Variants in DGKB observed in about 807,000 individuals in gnomAD.
DGKB encodes the protein 90 kDa diacylglycerol kinase.
A neutral mutation model predicts 114.3 loss-of-function variants in DGKB; 67 were observed. The ratio of observed to expected loss-of-function variants is 0.59; its 90% CI spans 0.48 to 0.72. The LOEUF (loss-of-function observed/expected upper bound fraction) is 0.72, where lower values mean the gene tolerates loss of function less well. Among genes scored for constraint, DGKB ranks in the 30% least tolerant of loss-of-function variants. The pLI, the probability that DGKB is intolerant of heterozygous loss-of-function variation, is 0.00. For missense variants in DGKB, 907 were observed against 975.2 expected (o/e 0.93, Z 0.93); for synonymous variants, 398 against 323.1 (o/e 1.23, Z -2.49).
rs770935660 is a variant in DGKB, at chr7:14,583,229, C to A, written c.1434-92G>T. The A allele has an allele frequency of 2.0e-5, 14 of 689,096 alleles. No individual in the cohort carries two copies. In the South Asian group the frequency reaches 2.4e-4, roughly 12 times the overall value. The allele number at this position is 689,096 out of a possible 1,614,324, so 42.7% of individuals were successfully genotyped here. A position where few individuals can be genotyped will look rare whatever the true frequency, so the allele number is the denominator to read the frequency against. ...CATTAACATTTTACCCGATGAAATA[C>A]GTTTTTATTTTATAAAAACTGTAAA... On this transcript the variant is annotated intron_variant, in intron 17 of 25. Coordinates refer to ENST00000402815, the MANE Select transcript of DGKB (RefSeq NM_001350709.2).
At chr7:14,563,877 G>A (rs1218609321) in intron 20 of DGKB, among the ~76,000 whole-genome samples, 2 of 152,076 alleles carry the variant, frequency 1.3e-5, no homozygotes, top group Admixed American at 1.3e-4. Context: ...TCAGAGAAAA[G>A]CAAGCTGCTG....
intron 4 of DGKB, among the ~76,000 whole-genome samples, chr7:14,744,410 G>A (rs948675677): frequency 2.6e-5 from 4 of 152,110 alleles, no homozygotes; most frequent in Non-Finnish European, 5.9e-5. Context: ...GGGAAAACTG[G>A]CCTCATACCT....
At chr7:14,550,937 A>C (rs754451434) in intron 20 of DGKB, among the ~76,000 whole-genome samples, 7 of 152,172 alleles carry the variant, frequency 4.6e-5, no homozygotes, top group Non-Finnish European at 1.0e-4. Flanking sequence ...CTAGACAAAA[A>C]ATTCTTCCTT....
intron 1 of DGKB, among the ~76,000 whole-genome samples, chr7:14,900,180 T>C (rs959676929): frequency 1.2e-4 from 18 of 152,174 alleles, no homozygotes; most frequent in African/African-American, 4.1e-4. Context: ...ACCTACTTCA[T>C]AGTAAATACC....
chr7:14,629,766 C>T (rs1327446087), intron 14 of DGKB, among the ~76,000 whole-genome samples: 1 of 152,048 alleles, frequency 6.6e-6, no homozygotes, highest in Non-Finnish European at 1.5e-5. Flanking sequence ...ATGGCATGGG[C>T]TAGGTGATTA....
intron 8 of DGKB, among the ~76,000 whole-genome samples, chr7:14,696,919 G>C (rs2129001738): frequency 6.6e-6 from 1 of 152,258 alleles, no homozygotes; most frequent in African/African-American, 2.4e-5. Flanking sequence ...CCATTATCCT[G>C]TTGTTTACCG....
In DGKB at chr7:14,882,812, T is replaced by G. The variant is rs576921597; in HGVS notation, c.-188+19780A>C. Among the ~76,000 whole-genome samples, 8 of 152,196 alleles carry G rather than the reference T, an allele frequency of 5.3e-5. No individual in the cohort carries two copies. In the South Asian group the frequency reaches 1.5e-3, roughly 28 times the overall value. On this transcript the variant is annotated intron_variant, in intron 1 of 25. Coordinates refer to ENST00000402815, the MANE Select transcript of DGKB (RefSeq NM_001350709.2). Reference sequence around the variant, plus strand: ...TGAATGGTACTACATTGTGTATATATGCCACATTTTCTTTATCTTATCTTA... The same window carrying G: ...TGAATGGTACTACATTGTGTATATAGGCCACATTTTCTTTATCTTATCTTA...
intron 1 of DGKB, among the ~76,000 whole-genome samples, chr7:14,917,711 T>C (rs931597999): frequency 6.6e-6 from 1 of 151,870 alleles, no homozygotes; most frequent in Non-Finnish European, 1.5e-5. Flanking sequence ...ATAATACCAA[T>C]TCTCTAAAAT....
chr7:14,311,838 G>A (rs975035603), intron 23 of DGKB, among the ~76,000 whole-genome samples: 1 of 151,914 alleles, frequency 6.6e-6, no homozygotes, highest in Non-Finnish European at 1.5e-5. Context: ...AAATCATTTG[G>A]GTTAAGCCAT....
At chr7:14,580,129 C>T (rs2128721903) in intron 19 of DGKB, among the ~76,000 whole-genome samples, 1 of 152,290 alleles carries the variant, frequency 6.6e-6, no homozygotes, top group Non-Finnish European at 1.5e-5. Flanking sequence ...GACACTATTT[C>T]AGTTTCAGTT....
chr7:14,680,206 T>G (rs143964525), intron 12 of DGKB, among the ~76,000 whole-genome samples: 3 of 151,934 alleles, frequency 2.0e-5, no homozygotes, highest in African/African-American at 7.2e-5. Flanking sequence ...AAATAGAGCT[T>G]TGAGATTGAT....
chr7:14,228,222 G>A (rs535454072), intron 23 of DGKB, among the ~76,000 whole-genome samples: 2 of 151,916 alleles, frequency 1.3e-5, no homozygotes, highest in Non-Finnish European at 2.9e-5. Flanking sequence ...AGAACACAGG[G>A]TAGAAACAGC....
At chr7:14,669,014 C>A (rs1312264594) in intron 13 of DGKB, among the ~76,000 whole-genome samples, 1 of 152,126 alleles carries the variant, frequency 6.6e-6, no homozygotes, top group African/African-American at 2.4e-5. Context: ...CTAGAGGTAG[C>A]TGCTCTTTTC....
intron 5 of DGKB, among the ~76,000 whole-genome samples, chr7:14,722,293 C>G (rs186247730): frequency 4.4e-4 from 67 of 152,310 alleles, no homozygotes; most frequent in Non-Finnish European, 8.2e-4. Flanking sequence ...CTGAACCTTT[C>G]ATTTTCTCCC....
intron 6 of DGKB, among the ~76,000 whole-genome samples, chr7:14,714,987 A>T (rs1322554011): frequency 7.2e-5 from 11 of 152,320 alleles, no homozygotes; most frequent in Admixed American, 7.2e-4. Context: ...ATGTATGTGA[A>T]CAAATACTAG....
chr7:14,303,327 CTG>C lies in DGKB; in HGVS notation c.2122+35186_2122+35187del, dbSNP rs1803878682. Among the ~76,000 whole-genome samples the C allele has an allele frequency of 2.0e-5, 3 of 152,042 alleles. No individual in the cohort carries two copies. The South Asian group carries it at 6.2e-4, about 31-fold the overall frequency. On this transcript the variant is annotated intron_variant, in intron 23 of 25. Transcript: ENST00000402815. ...AGAAACTTTACTTGGATGTGTATGA[CTG>C]TATTTCCCGCCGTAGTTAGTTTTTA... is the stretch of plus-strand genomic sequence containing the variant.
intron 2 of DGKB, among the ~76,000 whole-genome samples, chr7:14,838,453 T>A (rs1433117383): frequency 6.6e-6 from 1 of 152,164 alleles, no homozygotes; most frequent in Non-Finnish European, 1.5e-5. Flanking sequence ...TAAGCCAAAC[T>A]CAATGCTTTC....
intron 23 of DGKB, among the ~76,000 whole-genome samples, chr7:14,180,406 T>C (rs1210499522): frequency 6.6e-6 from 1 of 152,200 alleles, no homozygotes; most frequent in Non-Finnish European, 1.5e-5. Flanking sequence ...TTTGTCTTTG[T>C]TTTTCTGCAT....
At chr7:14,433,628 A>G (rs1382089976) in intron 21 of DGKB, among the ~76,000 whole-genome samples, 1 of 152,162 alleles carries the variant, frequency 6.6e-6, no homozygotes, top group East Asian at 1.9e-4. Context: ...CAGAGTAGAC[A>G]CTTAATACAT....
Sources: allele counts gnomAD v4.1 joint callset (sites outside exome capture counted in the v4.1 genomes callset), GRCh38; gene constraint gnomAD v4.1.1; transcripts MANE v1.5; gene names NCBI Gene and HGNC (gene_info 2026-07-23, HGNC 2026-07-21).